APOL2: variants seen among roughly 807,000 people sequenced by gnomAD.
The protein encoded by APOL2 is apolipoprotein L, 2.
Under a neutral mutation model 7.1 loss-of-function variants are expected in APOL2, and 8 were observed. That is an observed-to-expected ratio of 1.12 (90% CI 0.66 to 2.03). APOL2 has a LOEUF of 2.03. Among genes scored for constraint, APOL2 ranks in the 30% most tolerant of loss-of-function variants. APOL2 has a pLI of 0.00. For synonymous variants in APOL2, 177 were observed against 159.9 expected (o/e 1.11, Z -0.81); for missense variants, 471 against 415.1 (o/e 1.13, Z -1.17).
chr22:36,236,556 G>A, intron 1 of APOL2: 1 of 985,388 alleles, frequency 1.0e-6, no homozygotes, highest in Non-Finnish European at 1.2e-6. Flanking sequence ...GCCCATCCCA[G>A]TTAGGGGCGG....
Position 36,228,280 on chromosome 22 carries a change from C to T in APOL2, c.138G>A (p.Arg46=). Residue 46 remains arginine, a splice_region_variant and synonymous_variant, in exon 5 of 5, where the codon AGG becomes AGA. Transcript: ENST00000358502. ...CTTTACGGAGCTCATCTGCCTCATCCCTGCACAAGGAAAGGTTAAAGGATT... is the reference window on the plus strand; with the variant it reads ...CTTTACGGAGCTCATCTGCCTCATCTCTGCACAAGGAAAGGTTAAAGGATT... ...NGFVAAAELP[R]DEADELRKAL... The T allele has an allele frequency of 6.2e-7, 1 of 1,610,362 alleles. No homozygotes were observed. The highest frequency in any genetic ancestry group is 8.5e-7 in the Non-Finnish European group (1 of 1,178,458).
At chr22:36,238,335 C>A (rs759064608) in intron 1 of APOL2, among the ~76,000 whole-genome samples, 1 of 152,182 alleles carries the variant, frequency 6.6e-6, no homozygotes, top group Admixed American at 6.5e-5. Flanking sequence ...ATGGGCATCT[C>A]TTTTTGGTGA....
Position 36,227,408 on chromosome 22 carries a change from T to C in APOL2, c.1010A>G (p.Gln337Arg), listed in dbSNP as rs1385656871. The C allele has an allele frequency of 3.1e-6, 5 of 1,605,836 alleles. No homozygotes were observed. The highest frequency in any genetic ancestry group is 4.3e-6 in the Non-Finnish European group (5 of 1,175,708). The change falls in exon 5 of 5, where the codon CAA becomes CGA. Residue 337 changes from glutamine to arginine, a missense_variant. Coordinates refer to ENST00000358502, the MANE Select transcript of APOL2 (RefSeq NM_030882.4). Reference sequence around the variant, plus strand: ...GGTGGCTGCACTGCTCTGGGGTCATTGGTCTTGGCCTGGCTGCAGCATCTC... The same window carrying C: ...GGTGGCTGCACTGCTCTGGGGTCATCGGTCTTGGCCTGGCTGCAGCATCTC... The part of the protein sequence containing the change: ...IHEMLQPGQD[Q>R]
chr22:36,233,468 G>A lies in APOL2; in HGVS notation c.-133-13C>T. 1 of 1,548,880 alleles carries A rather than the reference G, an allele frequency of 6.5e-7. No individual in the cohort carries two copies. Among genetic ancestry groups the A allele is most frequent in the Non-Finnish European group, 8.7e-7 (1 of 1,146,526 alleles). On this transcript the variant is annotated splice_polypyrimidine_tract_variant and intron_variant, in intron 1 of 4. Transcript: ENST00000358502. ...GGGTCCTCTTGTCCTGTAGGGGTAT[G>A]AGAAGAAGATAATCAGAGGAGGGGC...
intron 1 of APOL2, chr22:36,239,216 G>C (rs2015516902): frequency 7.5e-7 from 1 of 1,339,498 alleles, no homozygotes; most frequent in African/African-American, 1.5e-5. Context: ...ACCCATCTAA[G>C]CTGTTTTCCC....
chr22:36,227,819 C>A lies in APOL2; in HGVS notation c.599G>T (p.Gly200Val). 6.2e-7 allele frequency: 1 copy of A among 1,614,224 alleles called. No homozygotes were observed. The highest frequency in any genetic ancestry group is 8.5e-7 in the Non-Finnish European group (1 of 1,180,052). Residue 200 changes from glycine (G) to valine (V), a missense_variant, in exon 5 of 5, where the codon GGT (glycine) becomes GTT (valine). Gly to Val is a moderately radical substitution (Grantham distance 109, BLOSUM62 -3). Transcript: ENST00000358502. ...NVAKVMKEFV[G>V]GNTPNVLTLV... Reference sequence around the variant, plus strand: ...GGTAAGAACATTGGGTGTGTTCCCACCCACAAACTCCTTCATCACCTTTGC... The same window carrying A: ...GGTAAGAACATTGGGTGTGTTCCCAACCACAAACTCCTTCATCACCTTTGC...
rs747576657 is a variant in APOL2 at position 36,228,282 on chromosome 22, T to C, written c.138-2A>G. On this transcript the variant is annotated splice_acceptor_variant, in intron 4 of 4. Transcript: ENST00000358502. LOFTEE classifies it high-confidence loss of function. The stretch of plus-strand genomic sequence containing the variant: ...TTACGGAGCTCATCTGCCTCATCCC[T>C]GCACAAGGAAAGGTTAAAGGATTAA... 3.9e-5 allele frequency: 63 copies of C among 1,610,726 alleles called. No individual in the cohort carries two copies. The South Asian group carries it at 6.8e-4, about 17-fold the overall frequency.
Position 36,226,648 on chromosome 22 carries a change from A to C in APOL2, c.*756T>G, listed in dbSNP as rs909222184. 7.4e-6 allele frequency: 1 copy of C among 135,704 alleles called. No homozygotes were observed. The highest frequency in any genetic ancestry group is 8.0e-5 in the Admixed American group (1 of 12,544). The allele number at this position is 135,704 out of a possible 1,614,324, so 8.4% of individuals were successfully genotyped here. A position where few individuals can be genotyped will look rare whatever the true frequency, so the allele number is the denominator to read the frequency against. ...CACCAGGGAAAGACTTTATTCTTGG[A>C]AGGACATCAAACCTGGGGGGGGGTC... On this transcript the variant is annotated 3_prime_UTR_variant, in exon 5 of 5. Transcript: ENST00000358502.
rs1250277132 is a variant in APOL2, at chr22:36,227,793, A to T, written c.625T>A (p.Leu209Ile). The T allele has an allele frequency of 6.2e-7, 1 of 1,614,110 alleles. No homozygotes were observed. The highest frequency in any genetic ancestry group is 8.5e-7 in the Non-Finnish European group (1 of 1,180,060). ...GTGACTTGGTACCAATTGTCAACTAAGGTAAGAACATTGGGTGTGTTCCCA... is the reference window on the plus strand; with the variant it reads ...GTGACTTGGTACCAATTGTCAACTATGGTAAGAACATTGGGTGTGTTCCCA... ...VGGNTPNVLT[L>I]VDNWYQVTQG... The change falls in exon 5 of 5, where the codon TTA becomes ATA. Residue 209 changes from leucine to isoleucine, a missense_variant. Leu to Ile is a conservative substitution (Grantham distance 5). Transcript: ENST00000358502.
Position 36,227,452 on chromosome 22 carries a change from G to A in APOL2, c.966C>T (p.Asn322=), listed in dbSNP as rs763254021. The A allele has an allele frequency of 3.4e-5, 55 of 1,613,058 alleles. No homozygotes were observed. Among genetic ancestry groups the A allele is most frequent in the Non-Finnish European group, 4.6e-5 (54 of 1,179,424 alleles). ...KRAQELEGKL[N]FLTKIHEMLQ... ...GCATCTCATGGATCTTGGTGAGAAA[G>A]TTGAGCTTCCCCTCCAGCTCCTGAG... Residue 322 remains asparagine, a synonymous_variant, in exon 5 of 5, where the codon AAC becomes AAT. Transcript: ENST00000358502.
intron 1 of APOL2, chr22:36,234,107 T>C (rs2015322914): frequency 1.3e-5 from 2 of 152,262 alleles, no homozygotes; most frequent in Non-Finnish European, 2.9e-5. Context: ...TAATTCTTCA[T>C]ATAAATTATG....
Position 36,227,826 on chromosome 22 carries a change from A to G in APOL2, c.592T>C (p.Phe198Leu). Residue 198 changes from phenylalanine to leucine, a missense_variant, in exon 5 of 5, where the codon TTT (phenylalanine) becomes CTT (leucine). Coordinates refer to ENST00000358502, the MANE Select transcript of APOL2 (RefSeq NM_030882.4). Reference sequence around the variant, plus strand: ...ACATTGGGTGTGTTCCCACCCACAAACTCCTTCATCACCTTTGCTACATTG... The same window carrying G: ...ACATTGGGTGTGTTCCCACCCACAAGCTCCTTCATCACCTTTGCTACATTG... Reference protein sequence around the residue: ...GTNVAKVMKEFVGGNTPNVLT... With the variant: ...GTNVAKVMKELVGGNTPNVLT... 6.2e-7 allele frequency: 1 copy of G among 1,614,020 alleles called. No individual in the cohort carries two copies. The highest frequency in any genetic ancestry group is 2.2e-5 in the East Asian group (1 of 44,878).
Position 36,231,351 on chromosome 22 carries a change from A to T in APOL2, c.126T>A (p.Ala42=). Residue 42 remains alanine, a synonymous_variant, in exon 4 of 5, where the codon GCT becomes GCA. Transcript: ENST00000358502. ...CCCATGGAGCTTACCTGGGCAGTTC[A>T]GCAGCAGCCACGAATCCATTCCAGG... ...DEAWNGFVAA[A]ELPRDEADEL... 6.2e-7 allele frequency: 1 copy of T among 1,614,110 alleles called. No homozygotes were observed. Among genetic ancestry groups the T allele is most frequent in the Non-Finnish European group, 8.5e-7 (1 of 1,179,932 alleles).
chr22:36,232,957 C>T (rs191752536), intron 3 of APOL2, among the ~76,000 whole-genome samples, 196 bp downstream of exon 3: 2 of 151,978 alleles, frequency 1.3e-5, no homozygotes, highest in Non-Finnish European at 2.9e-5. Flanking sequence ...CGTGTCACCC[C>T]GAGGAGAGGT....
chr22:36,238,443 T>C (rs183721075), intron 1 of APOL2, among the ~76,000 whole-genome samples: 8 of 152,218 alleles, frequency 5.3e-5, no homozygotes, highest in African/African-American at 1.9e-4. Context: ...GGGAAAAATC[T>C]TAGGCTGGGA....
chr22:36,238,302 A>T (rs539047420), intron 1 of APOL2, among the ~76,000 whole-genome samples: 6 of 152,328 alleles, frequency 3.9e-5, no homozygotes, highest in African/African-American at 1.4e-4. Flanking sequence ...GAGAAATTGA[A>T]TTTAATTTTT....
rs764422788 is a variant in APOL2 at position 36,227,882 on chromosome 22, G to A, written c.536C>T (p.Ala179Val). The change falls in exon 5 of 5, where the codon GCC becomes GTC. Residue 179 changes from alanine (A) to valine (V), a missense_variant. Coordinates refer to ENST00000358502, the MANE Select transcript of APOL2 (RefSeq NM_030882.4). ...VELVNKLRARAQARNLDQSGT... is the reference protein window; with the variant it reads ...VELVNKLRARVQARNLDQSGT... ...GCTTTGGTCCAAGTTGCGGGCTTGG[G>A]CTCGTGCCCGCAATTTGTTTACTAG... 6.8e-5 allele frequency: 109 copies of A among 1,614,090 alleles called. No individual in the cohort carries two copies. Among genetic ancestry groups the A allele is most frequent in the Non-Finnish European group, 9.0e-5 (106 of 1,180,058 alleles).
At chr22:36,229,862 G>T (rs560566472) in intron 4 of APOL2, among the ~76,000 whole-genome samples, 1 of 152,168 alleles carries the variant, frequency 6.6e-6, no homozygotes, top group Non-Finnish European at 1.5e-5. Context: ...AGGCTACTGG[G>T]TGCGGCCACT....
intron 3 of APOL2, 39 bp from the exon 4 acceptor site, chr22:36,231,505 G>A (rs1159476263): frequency 6.3e-7 from 1 of 1,598,894 alleles, no homozygotes; most frequent in Non-Finnish European, 8.6e-7. Flanking sequence ...GGAGGATAGT[G>A]TAGGGGAGCA....
Sources: allele counts gnomAD v4.1 joint callset (sites outside exome capture counted in the v4.1 genomes callset), GRCh38; gene constraint gnomAD v4.1.1; transcripts MANE v1.5; gene names NCBI Gene and HGNC (gene_info 2026-07-23, HGNC 2026-07-21).